Variants in HDAC9 observed in about 807,000 individuals in gnomAD.
HDAC9 encodes histone deacetylase 9, also known as MEF-2 interacting transcription repressor (MITR) protein.
A neutral mutation model predicts 139.4 loss-of-function variants in HDAC9; 41 were observed. The ratio of observed to expected loss-of-function variants is 0.29; its 90% CI spans 0.23 to 0.38. HDAC9 has a LOEUF of 0.38. Ranked by LOEUF, HDAC9 falls within the 10% of genes least tolerant of loss-of-function variation. HDAC9 has a pLI of 1.00. For synonymous variants in HDAC9, 517 were observed against 476.2 expected (o/e 1.09, Z -1.12); for missense variants, 1,147 against 1,297.0 (o/e 0.88, Z 1.78).
intron 12 of HDAC9, among the ~76,000 whole-genome samples, chr7:18,698,302 C>T (rs367710523): frequency 1.8e-4 from 27 of 152,126 alleles, no homozygotes; most frequent in African/African-American, 5.3e-4. Flanking sequence ...AATTAAATTA[C>T]GCCATTTTTA....
At chr7:18,388,301 C>A (rs1786132903) in intron 1 of HDAC9, among the ~76,000 whole-genome samples, 1 of 152,204 alleles carries the variant, frequency 6.6e-6, no homozygotes, top group Non-Finnish European at 1.5e-5. Flanking sequence ...ACTGATCCTC[C>A]TTGAGCACAT....
chr7:18,930,593 C>T (rs1804653300), intron 22 of HDAC9, among the ~76,000 whole-genome samples: 1 of 150,964 alleles, frequency 6.6e-6, no homozygotes, highest in East Asian at 1.9e-4. Flanking sequence ...TAACAGTGGA[C>T]ACAGCAGAAT....
chr7:18,243,561 T>A (rs1423514760), intron 2 of HDAC9, among the ~76,000 whole-genome samples: 2 of 151,196 alleles, frequency 1.3e-5, no homozygotes, highest in Admixed American at 1.3e-4. Context: ...TACTGCTTGC[T>A]GAGCAGTCTC....
chr7:18,649,461 G>A (rs1487053966), intron 11 of HDAC9, among the ~76,000 whole-genome samples: 1 of 152,084 alleles, frequency 6.6e-6, no homozygotes, highest in East Asian at 1.9e-4. Flanking sequence ...TTAAGGTCCT[G>A]AGTATTAAAA....
intron 2 of HDAC9, among the ~76,000 whole-genome samples, chr7:18,257,194 G>A (rs1795313888): frequency 6.6e-6 from 1 of 151,140 alleles, no homozygotes; most frequent in Non-Finnish European, 1.5e-5. Flanking sequence ...AAAACATTGG[G>A]TCAGGTGTGG....
chr7:18,604,837 A>G (rs943647771), intron 6 of HDAC9, among the ~76,000 whole-genome samples: 2 of 152,140 alleles, frequency 1.3e-5, no homozygotes, highest in Non-Finnish European at 2.9e-5. Flanking sequence ...AACCCTTAAC[A>G]TACTACTTTT....
chr7:18,236,226 G>A (rs995788070), intron 2 of HDAC9, among the ~76,000 whole-genome samples: 1 of 152,154 alleles, frequency 6.6e-6, no homozygotes, highest in Non-Finnish European at 1.5e-5. Context: ...GAACTTGTTA[G>A]CAATGCAGAT....
intron 22 of HDAC9, among the ~76,000 whole-genome samples, chr7:18,911,063 G>A (rs1455636061): frequency 6.6e-6 from 1 of 151,126 alleles, no homozygotes; most frequent in African/African-American, 2.4e-5. Flanking sequence ...ATTCAGCTTT[G>A]AAGACCTCCA....
At chr7:18,334,728 A>G (rs1430389084) in intron 1 of HDAC9, among the ~76,000 whole-genome samples, 1 of 151,552 alleles carries the variant, frequency 6.6e-6, no homozygotes, top group African/African-American at 2.4e-5. Flanking sequence ...AATGTTAGCA[A>G]ATTTTAGGAA....
intron 12 of HDAC9, among the ~76,000 whole-genome samples, chr7:18,725,594 G>A (rs1179392763): frequency 1.3e-5 from 2 of 152,062 alleles, no homozygotes; most frequent in Non-Finnish European, 2.9e-5. Flanking sequence ...GGAGCTTTTT[G>A]CCATGTCTTA....
intron 17 of HDAC9, among the ~76,000 whole-genome samples, chr7:18,818,546 T>C (rs758404134): frequency 1.7e-4 from 26 of 152,186 alleles, no homozygotes; most frequent in Admixed American, 4.6e-4. Flanking sequence ...AGCTATACCT[T>C]TACCAAGAAT....
At chr7:18,192,398 A>G (rs1790413411) in intron 2 of HDAC9, among the ~76,000 whole-genome samples, 1 of 152,146 alleles carries the variant, frequency 6.6e-6, no homozygotes, top group South Asian at 2.1e-4. Flanking sequence ...TTCCTTGGGT[A>G]GATGTTTAAC....
chr7:18,887,187 G>T (rs573226316), intron 22 of HDAC9, among the ~76,000 whole-genome samples: 2 of 152,278 alleles, frequency 1.3e-5, no homozygotes, highest in South Asian at 4.1e-4. Context: ...TACTACAGAG[G>T]TTTCCAAATT....
At chr7:18,160,881 G>C (rs1396579377) in intron 1 of HDAC9, among the ~76,000 whole-genome samples, 1 of 152,054 alleles carries the variant, frequency 6.6e-6, no homozygotes, top group East Asian at 1.9e-4. Context: ...GTCTCCCAAA[G>C]GGTGATATTA....
intron 1 of HDAC9, among the ~76,000 whole-genome samples, chr7:18,161,189 G>A (rs563830317): frequency 3.9e-5 from 6 of 152,254 alleles, no homozygotes; most frequent in African/African-American, 1.4e-4. Flanking sequence ...ACACTACTTA[G>A]CTGTTTGAAT....
intron 2 of HDAC9, among the ~76,000 whole-genome samples, chr7:18,258,939 ATTC>A (rs887504348): frequency 4.2e-4 from 53 of 125,812 alleles, no homozygotes; most frequent in Middle Eastern, 9.2e-3. Context: ...TAAAGTAGGG[ATTC>A]TTCTTCTCCT....
At chr7:18,760,384 C>A (rs1192188011) in intron 14 of HDAC9, among the ~76,000 whole-genome samples, 7 of 152,090 alleles carry the variant, frequency 4.6e-5, no homozygotes, top group African/African-American at 1.7e-4. Context: ...TTGTTCTGGT[C>A]TCCCATAAAC....
chr7:18,498,369 G>T (rs749013436), intron 2 of HDAC9, among the ~76,000 whole-genome samples: 4 of 152,016 alleles, frequency 2.6e-5, no homozygotes, highest in Non-Finnish European at 5.9e-5. Flanking sequence ...ATTGGTATGG[G>T]GAACAGCCTG....
chr7:18,443,917 G>C (rs1792037774), intron 1 of HDAC9, among the ~76,000 whole-genome samples: 1 of 150,818 alleles, frequency 6.6e-6, no homozygotes, highest in Non-Finnish European at 1.5e-5. Flanking sequence ...ACATACATTT[G>C]TATTATATAT....
Sources: allele counts gnomAD v4.1 joint callset (sites outside exome capture counted in the v4.1 genomes callset), GRCh38; gene constraint gnomAD v4.1.1; transcripts MANE v1.5; gene names NCBI Gene and HGNC (gene_info 2026-07-23, HGNC 2026-07-21).